Variants in ARHGAP15 observed in about 807,000 individuals in gnomAD.
ARHGAP15 encodes the protein Rho GTPase activating protein 15, also known as rho GTPase-activating protein 15.
A neutral mutation model predicts 63.7 loss-of-function variants in ARHGAP15; 51 were observed. The ratio of observed to expected loss-of-function variants is 0.80; its 90% confidence interval spans 0.64 to 1.01. ARHGAP15 has a LOEUF of 1.01. ARHGAP15 is among the 50% of genes least tolerant of loss of function. The pLI, the probability that ARHGAP15 is intolerant of heterozygous loss-of-function variation, is 0.00. For missense variants in ARHGAP15, 560 were observed against 564.6 expected (o/e 0.99, Z 0.08); for synonymous variants, 191 against 193.8 (o/e 0.99, Z 0.12).
intron 13 of ARHGAP15, among the ~76,000 whole-genome samples, chr2:143,763,083 T>C (rs761612869): frequency 1.7e-4 from 26 of 152,164 alleles, no homozygotes; most frequent in Non-Finnish European, 3.1e-4. Flanking sequence ...TATGTTTTAC[T>C]AGTTGAAACC....
intron 6 of ARHGAP15, among the ~76,000 whole-genome samples, chr2:143,266,884 A>C (rs1358007335): frequency 6.6e-6 from 1 of 152,204 alleles, no homozygotes; most frequent in Admixed American, 6.5e-5. Flanking sequence ...TGTATCAGCC[A>C]AAATAGGCTA....
intron 2 of ARHGAP15, among the ~76,000 whole-genome samples, chr2:143,172,751 G>A (rs192872219): frequency 5.3e-5 from 8 of 152,096 alleles, no homozygotes; most frequent in African/African-American, 1.9e-4. Flanking sequence ...GGTCATATTC[G>A]GTTGTGAGAA....
chr2:143,420,322 AG>A (rs2105049672), intron 6 of ARHGAP15, among the ~76,000 whole-genome samples: 1 of 152,292 alleles, frequency 6.6e-6, no homozygotes, highest in African/African-American at 2.4e-5. Flanking sequence ...AAAAGAAAAG[AG>A]AGCAATCTTA....
chr2:143,359,079 G>A (rs1472091309), intron 6 of ARHGAP15, among the ~76,000 whole-genome samples: 1 of 152,066 alleles, frequency 6.6e-6, no homozygotes, highest in Non-Finnish European at 1.5e-5. Context: ...TATGATATGA[G>A]AAATAGAAAA....
At chr2:143,445,487 C>G (rs1011416714) in intron 8 of ARHGAP15, among the ~76,000 whole-genome samples, 3 of 152,000 alleles carry the variant, frequency 2.0e-5, no homozygotes, top group Admixed American at 2.0e-4. Flanking sequence ...CTAATGACTG[C>G]ATTGGAATTA....
chr2:143,333,756 G>A (rs1684650699), intron 6 of ARHGAP15, among the ~76,000 whole-genome samples: 1 of 152,086 alleles, frequency 6.6e-6, no homozygotes, highest in African/African-American at 2.4e-5. Flanking sequence ...ATAGCATTAG[G>A]CACAGAAACA....
At chr2:143,357,391 C>T (rs1304384815) in intron 6 of ARHGAP15, among the ~76,000 whole-genome samples, 1 of 151,220 alleles carries the variant, frequency 6.6e-6, no homozygotes. Context: ...AAGCAAAATA[C>T]AAAAACACAT....
At chr2:143,228,500 C>A (rs527900469) in intron 4 of ARHGAP15, 81 bp from the exon 5 acceptor site, 15 of 880,350 alleles carry the variant, frequency 1.7e-5, no homozygotes, top group Non-Finnish European at 2.6e-5. Flanking sequence ...TCTACTCATT[C>A]CAAATGTTGC....
intron 12 of ARHGAP15, among the ~76,000 whole-genome samples, chr2:143,644,345 G>A (rs1680761316): frequency 6.6e-6 from 1 of 151,982 alleles, no homozygotes; most frequent in African/African-American, 2.4e-5. Flanking sequence ...CATCACATCA[G>A]GGTCTTCAGG....
chr2:143,661,001 C>T (rs1574792714), intron 12 of ARHGAP15, among the ~76,000 whole-genome samples: 1 of 152,188 alleles, frequency 6.6e-6, no homozygotes, highest in African/African-American at 2.4e-5. Flanking sequence ...CTAGGGAGAA[C>T]CCATGTTCTT....
At position 143,715,796 on chromosome 2, in the gene ARHGAP15, C is replaced by T. The variant is rs571924013; in HGVS notation, c.1244+12272C>T. Among the ~76,000 whole-genome samples the T allele has an allele frequency of 3.3e-5, 5 of 152,240 alleles. No individual in the cohort carries two copies. The East Asian group carries it at 7.7e-4, about 24-fold the overall frequency. On this transcript the variant is annotated intron_variant, in intron 13 of 13. Transcript: ENST00000295095. ...GCATCTTCATCATGAAATCTTTACC[C>T]GTGCCTATGTTCTGAATGGTATTGC...
intron 6 of ARHGAP15, among the ~76,000 whole-genome samples, chr2:143,292,091 G>T (rs1558870899): frequency 7.6e-6 from 1 of 132,192 alleles, no homozygotes; most frequent in Non-Finnish European, 1.6e-5. Flanking sequence ...ATAACAATGA[G>T]TATAAATAAT....
At chr2:143,672,420 A>G (rs992788351) in intron 12 of ARHGAP15, among the ~76,000 whole-genome samples, 2 of 152,352 alleles carry the variant, frequency 1.3e-5, no homozygotes, top group Non-Finnish European at 2.9e-5. Flanking sequence ...CAACTATGAG[A>G]CAAATGCCCA....
intron 4 of ARHGAP15, 47 bp downstream of exon 4, chr2:143,216,492 C>A: frequency 7.2e-7 from 1 of 1,384,360 alleles, no homozygotes; most frequent in South Asian, 1.2e-5. Flanking sequence ...GCTGGTTCTT[C>A]ATATGCTAAA....
intron 5 of ARHGAP15, among the ~76,000 whole-genome samples, chr2:143,230,307 T>C (rs1276501434): frequency 1.3e-5 from 2 of 152,244 alleles, no homozygotes; most frequent in African/African-American, 4.8e-5. Context: ...ATTTTTATTT[T>C]ATTATTTTAA....
At chr2:143,652,045 A>G (rs549435362) in intron 12 of ARHGAP15, among the ~76,000 whole-genome samples, 14 of 152,034 alleles carry the variant, frequency 9.2e-5, no homozygotes, top group African/African-American at 3.1e-4. Flanking sequence ...TTATTTTGAG[A>G]CTGTCCACTT....
chr2:143,249,120 A>T (rs1007729035), intron 5 of ARHGAP15, among the ~76,000 whole-genome samples: 1 of 152,108 alleles, frequency 6.6e-6, no homozygotes, highest in African/African-American at 2.4e-5. Context: ...AACAATAAAA[A>T]CTTTTCACTG....
chr2:143,251,313 G>C (rs1680148889), intron 6 of ARHGAP15, among the ~76,000 whole-genome samples: 1 of 151,874 alleles, frequency 6.6e-6, no homozygotes, highest in South Asian at 2.1e-4. Context: ...CCAGTAATTA[G>C]ATATATTTTA....
chr2:143,397,567 AC>A (rs1236207570), intron 6 of ARHGAP15, among the ~76,000 whole-genome samples: 8 of 141,916 alleles, frequency 5.6e-5, no homozygotes, highest in East Asian at 4.4e-4. Flanking sequence ...GCAAAAAAAA[AC>A]GAAGAAGAAA....
Sources: allele counts gnomAD v4.1 joint callset (sites outside exome capture counted in the v4.1 genomes callset), GRCh38; gene constraint gnomAD v4.1.1; transcripts MANE v1.5; gene names NCBI Gene and HGNC (gene_info 2026-07-23, HGNC 2026-07-21).